The following MYO15B variants were observed in gnomAD, a reference collection of about 807,000 sequenced individuals.
MYO15B encodes the protein myosin XVB, also known as myosin XVB pseudogene.
A neutral mutation model predicts 119.3 loss-of-function variants in MYO15B; 207 were observed. The ratio of observed to expected loss-of-function variants is 1.73; its 90% CI spans 1.55 to 1.95. MYO15B has a LOEUF of 1.95. Among genes scored for constraint, MYO15B ranks in the 30% most tolerant of loss-of-function variants. The pLI, the probability that MYO15B is intolerant of heterozygous loss-of-function variation, is 0.00. For synonymous variants in MYO15B, 966 were observed against 498.9 expected (o/e 1.94, Z -12.48); for missense variants, 2,264 against 1,203.1 (o/e 1.88, Z -13.04).
chr17:75,622,215 G>T (rs1352787117), intron 53 of MYO15B, 135 bp downstream of exon 53: 1 of 629,202 alleles, frequency 1.6e-6, no homozygotes, highest in Non-Finnish European at 2.9e-6. Context: ...GTGCAGGGGG[G>T]TGTGGCTGTG....
chr17:75,608,416 C>T (rs2147932400), intron 21 of MYO15B, among the ~76,000 whole-genome samples: 1 of 152,198 alleles, frequency 6.6e-6, no homozygotes, highest in South Asian at 2.1e-4. Flanking sequence ...AGCCACTGCA[C>T]CCGGCCTTTA....
chr17:75,622,055 T>G (rs972240630), exon 53 of MYO15B: 13 of 702,910 alleles, frequency 1.8e-5, no homozygotes, highest in Non-Finnish European at 3.4e-5. Flanking sequence ...AAGGATGAGA[T>G]GGATCTGCTC....
At chr17:75,618,261 G>C in intron 43 of MYO15B, 76 bp downstream of exon 43, 1 of 697,628 alleles carries the variant, frequency 1.4e-6, no homozygotes, top group South Asian at 1.5e-5. Flanking sequence ...TAATGGCTGG[G>C]CCAGGTTAAC....
chr17:75,588,454 G>A, exon 1 of MYO15B: 2 of 398,506 alleles, frequency 5.0e-6, no homozygotes, highest in Non-Finnish European at 8.9e-6. Flanking sequence ...GAAAGATAAG[G>A]GGCCCTCGGC....
chr17:75,615,012 A>T lies in MYO15B; in HGVS notation c.5611A>T (p.Ile1871Phe), dbSNP rs781375065. ...CAGCCGCATGAAGGGAGGGGGCGCC[A>T]TTGGGCCCACACAGCAGGGCTACCC... Residue 1871 changes from isoleucine (I) to phenylalanine (F), a missense_variant, in exon 33 of 64, where the codon ATT becomes TTT. Coordinates refer to ENST00000645453, the Ensembl canonical transcript of MYO15B. The T allele has an allele frequency of 9.5e-5, 67 of 702,858 alleles. No individual in the cohort carries two copies. The South Asian group carries it at 9.6e-4, about 10-fold the overall frequency. 43.5% of individuals were successfully genotyped at this position (702,858 alleles called of 1,614,324 possible). A position where few individuals can be genotyped will look rare whatever the true frequency, so the allele number is the denominator to read the frequency against.
exon 1 of MYO15B, chr17:75,588,751 G>A: frequency 2.5e-6 from 1 of 398,850 alleles, no homozygotes; most frequent in East Asian, 3.6e-5. Context: ...GCCCCTGGGA[G>A]CCAGCGAGCA....
At chr17:75,610,995 G>C (rs1426978877) in intron 23 of MYO15B, 36 bp downstream of exon 23, 1 of 702,898 alleles carries the variant, frequency 1.4e-6, no homozygotes, top group East Asian at 2.7e-5. Flanking sequence ...TTTACATGGG[G>C]CTATGAACCT....
rs2058311937 is a variant in MYO15B, at chr17:75,615,492, C to T, written c.5741-11C>T. On this transcript the variant is annotated splice_polypyrimidine_tract_variant and intron_variant, in intron 34 of 63. Coordinates refer to ENST00000645453, the Ensembl canonical transcript of MYO15B. ...GGTGCCCACCACTCTGGCCGCCTGC[C>T]GCCCTCACAGCCATGGTGGTGCCGC... 10 of 686,586 alleles carry T rather than the reference C, an allele frequency of 1.5e-5. No individual in the cohort carries two copies. Among genetic ancestry groups the T allele is most frequent in the African/African-American group, 8.7e-5 (5 of 57,158 alleles). 42.5% of individuals were successfully genotyped at this position (686,586 alleles called of 1,614,324 possible).
intron 13 of MYO15B, 25 bp downstream of exon 13, chr17:75,596,580 G>C: frequency 1.4e-6 from 1 of 702,668 alleles, no homozygotes. Context: ...CGTGGACGTG[G>C]CAGGGGCCGC....
chr17:75,590,407 G>A (rs1392309111), intron 1 of MYO15B, 164 bp downstream of exon 1: 3 of 397,828 alleles, frequency 7.5e-6, no homozygotes, highest in East Asian at 3.6e-5. Context: ...CAGGTGCTAC[G>A]TCCCCAGGAC....
intron 21 of MYO15B, 23 bp from the exon 22 acceptor site, chr17:75,610,143 C>T (rs1284758635): frequency 4.3e-6 from 3 of 693,006 alleles, no homozygotes; most frequent in Admixed American, 2.0e-5. Flanking sequence ...TTCATTTCGC[C>T]CCCGCTCTTT....
In MYO15B at chr17:75,589,842, G is replaced by A. The variant is rs1168709440; in HGVS notation, c.1785G>A (p.Gly595=). ...AGGGGTGCAGGACGAGTGGGGAAGG[G>A]GTGTCCGGGCTTCGTCGCGGCTCCC... Residue 595 remains glycine (G), a synonymous_variant, in exon 1 of 64, where the codon GGG becomes GGA. Transcript: ENST00000645453. This position sits in a 1 kb window ranked among gnomAD's most constrained non-coding sequence, Gnocchi z 4.2. 1 of 398,434 alleles carries A rather than the reference G, an allele frequency of 2.5e-6. No homozygotes were observed. The highest frequency in any genetic ancestry group is 3.6e-5 in the East Asian group (1 of 28,082). The allele number at this position is 398,434 out of a possible 1,614,324, so 24.7% of individuals were successfully genotyped here.
exon 52 of MYO15B, chr17:75,621,554 T>A (rs930661828): frequency 1.4e-6 from 1 of 701,722 alleles, no homozygotes; most frequent in African/African-American, 1.7e-5. Context: ...GCAAGCTGGC[T>A]GTAGCCAGCT....
intron 15 of MYO15B, chr17:75,602,264 C>T (rs2147853853): frequency 1.7e-6 from 1 of 587,168 alleles, no homozygotes; most frequent in East Asian, 3.0e-5. Flanking sequence ...GTCTAGTCAA[C>T]CTATTGACTA....
chr17:75,616,588 A>C (rs1390401498), exon 39 of MYO15B: 1 of 703,064 alleles, frequency 1.4e-6, no homozygotes, highest in East Asian at 2.7e-5. Flanking sequence ...CCAAAGCTCC[A>C]AAAGAGGCTG....
intron 19 of MYO15B, among the ~76,000 whole-genome samples, chr17:75,604,125 G>A (rs957342214): frequency 2.0e-5 from 3 of 152,148 alleles, no homozygotes; most frequent in African/African-American, 7.2e-5. Flanking sequence ...CCAGCCTTGA[G>A]TCAGATCCTG....
chr17:75,618,198 C>A lies in MYO15B; in HGVS notation c.6987+13C>A, dbSNP rs1392473125. On this transcript the variant is annotated intron_variant, in intron 43 of 63. Coordinates refer to ENST00000645453, the Ensembl canonical transcript of MYO15B. ...CCTCTGTGAGCAGGTGAGAGCTGGC[C>A]CACCTGCCAGCCTGAGACATCTGCA... The A allele has an allele frequency of 5.7e-6, 4 of 703,008 alleles. No homozygotes were observed. The highest frequency in any genetic ancestry group is 1.0e-5 in the Non-Finnish European group (4 of 384,988). 43.5% of individuals were successfully genotyped at this position (703,008 alleles called of 1,614,324 possible). A position where few individuals can be genotyped will look rare whatever the true frequency, so the allele number is the denominator to read the frequency against.
At position 75,618,202 on chromosome 17, in the gene MYO15B, C is replaced by T; in HGVS notation, c.6987+17C>T. 1 of 703,074 alleles carries T rather than the reference C, an allele frequency of 1.4e-6. No homozygotes were observed. 43.6% of individuals were successfully genotyped at this position (703,074 alleles called of 1,614,324 possible). On this transcript the variant is annotated intron_variant, in intron 43 of 63. Coordinates refer to ENST00000645453, the Ensembl canonical transcript of MYO15B. ...TGTGAGCAGGTGAGAGCTGGCCCAC[C>T]TGCCAGCCTGAGACATCTGCAGAGA...
chr17:75,605,499 A>C lies in MYO15B; in HGVS notation c.4017-5A>C, dbSNP rs2057584543. On this transcript the variant is annotated splice_polypyrimidine_tract_variant and splice_region_variant and intron_variant, in intron 19 of 63. Transcript: ENST00000645453. ...ATTCTGATCTCAGCTCCATCCTTGG[A>C]GCAGCTTCCAGGCCCTGGGGTCAGA... 1.4e-6 allele frequency: 1 copy of C among 700,766 alleles called. No individual in the cohort carries two copies. The highest frequency in any genetic ancestry group is 1.8e-5 in the African/African-American group (1 of 56,762). 43.4% of individuals were successfully genotyped at this position (700,766 alleles called of 1,614,324 possible).
Sources: gnomAD v4.1 joint callset for allele counts (sites outside exome capture counted in the v4.1 genomes callset) on GRCh38, gnomAD v4.1.1 for gene constraint, Gnocchi (gnomAD v3.1) non-coding constraint, MANE v1.5 for transcripts, NCBI Gene and HGNC (gene_info 2026-07-23, HGNC 2026-07-21) for gene names.